The following EIF2A variants were observed in gnomAD, a reference collection of about 807,000 sequenced individuals.
EIF2A encodes the protein eukaryotic translation initiation factor 2A.
A neutral mutation model predicts 75.2 loss-of-function variants in EIF2A; 62 were observed. The observed-to-expected ratio is 0.82, with a 90% CI of 0.67 to 1.02. The LOEUF (loss-of-function observed/expected upper bound fraction) is 1.02. Ranked by LOEUF, EIF2A falls within the 50% of genes least tolerant of loss-of-function variation. The probability of loss-of-function intolerance (pLI) is 0.00; values close to 1 mark genes in which losing one functional copy is unlikely to be tolerated. For synonymous variants in EIF2A, 207 were observed against 239.0 expected (o/e 0.87, Z 1.23); for missense variants, 611 against 677.7 (o/e 0.90, Z 1.09).
intron 3 of EIF2A, among the ~76,000 whole-genome samples, chr3:150,562,143 C>T (rs987668597): frequency 6.6e-6 from 1 of 151,662 alleles, no homozygotes; most frequent in Non-Finnish European, 1.5e-5. Context: ...ACATTTTGGG[C>T]TGGGCATGGT....
chr3:150,576,424 T>C (rs996002651), intron 11 of EIF2A, among the ~76,000 whole-genome samples: 4 of 151,986 alleles, frequency 2.6e-5, no homozygotes, highest in Non-Finnish European at 5.9e-5. Context: ...AGCAAGACCA[T>C]GACTCGAAAA....
Position 150,575,333 on chromosome 3 carries a change from G to A in EIF2A, c.1384-316G>A, listed in dbSNP as rs1487482365. Among the ~76,000 whole-genome samples the A allele has an allele frequency of 3.9e-5, 6 of 152,324 alleles. No homozygotes were observed. In the South Asian group the frequency reaches 8.3e-4, roughly 21 times the overall value. Reference sequence around the variant, plus strand: ...TAGAACCAAAAAGGCCTCAGAAGAAGCTGTTGTTGGTATCTAGTTTTCATA... The same window carrying A: ...TAGAACCAAAAAGGCCTCAGAAGAAACTGTTGTTGGTATCTAGTTTTCATA... On this transcript the variant is annotated intron_variant, in intron 10 of 13. Transcript: ENST00000460851.
chr3:150,571,374 A>G (rs1724506959), intron 9 of EIF2A, among the ~76,000 whole-genome samples: 1 of 152,166 alleles, frequency 6.6e-6, no homozygotes, highest in Non-Finnish European at 1.5e-5. Context: ...TCCTGACCTC[A>G]GGTGATCTGC....
chr3:150,578,715 C>T (rs1245200051), intron 11 of EIF2A, among the ~76,000 whole-genome samples: 1 of 152,096 alleles, frequency 6.6e-6, no homozygotes, highest in Non-Finnish European at 1.5e-5. Flanking sequence ...GCAAGATAAA[C>T]TATTCAGTAT....
At chr3:150,575,221 A>G (rs1295865431) in intron 10 of EIF2A, among the ~76,000 whole-genome samples, 1 of 151,960 alleles carries the variant, frequency 6.6e-6, no homozygotes. Flanking sequence ...TAATCTTCTA[A>G]TTTCTGATTT....
chr3:150,565,788 C>CTTTTTTTTTTTTTTTTT (rs35195705), intron 6 of EIF2A: 1 of 69,476 alleles, frequency 1.4e-5, no homozygotes, highest in Non-Finnish European at 2.6e-5. Context: ...TAGTTCCATT[C>CTTTTTTTTTTTTTTTTT]TTTTTTTTTT....
intron 10 of EIF2A, among the ~76,000 whole-genome samples, chr3:150,574,466 T>C (rs376967817): frequency 1.3e-5 from 2 of 152,320 alleles, no homozygotes; most frequent in South Asian, 2.1e-4. Context: ...GAGCCCACTA[T>C]TGAAAGAATT....
intron 6 of EIF2A, among the ~76,000 whole-genome samples, chr3:150,565,486 C>T (rs1019139685): frequency 2.6e-5 from 4 of 152,100 alleles, no homozygotes; most frequent in East Asian, 1.9e-4. Context: ...ATAGAAAAGG[C>T]GGGATAAATA....
At chr3:150,566,039 C>T (rs1724165738) in intron 6 of EIF2A, 2 of 152,172 alleles carry the variant, frequency 1.3e-5, no homozygotes, top group African/African-American at 4.8e-5. Flanking sequence ...AGGTGATCCA[C>T]CTGCCTCACC....
rs1725193334 is a variant in EIF2A at position 150,581,739 on chromosome 3, T to TA, written c.1622dup (p.Lys542GlufsTer78). ...GAGATAGACAAAAAAATCAAGAACC[T>TA]AAAGAAGGTGAGAGACTTAAAAACA... is the stretch of plus-strand genomic sequence containing the variant. On this transcript the variant is annotated frameshift_variant, in exon 12 of 14. Coordinates refer to ENST00000460851, the MANE Select transcript of EIF2A (RefSeq NM_032025.5). LOFTEE classifies it high-confidence loss of function. 2 of 1,558,332 alleles carry TA rather than the reference T, an allele frequency of 1.3e-6. No individual in the cohort carries two copies. Among genetic ancestry groups the TA allele is most frequent in the Non-Finnish European group, 1.7e-6 (2 of 1,150,478 alleles).
chr3:150,561,636 C>T (rs558252452), intron 3 of EIF2A, among the ~76,000 whole-genome samples: 1 of 152,132 alleles, frequency 6.6e-6, no homozygotes, highest in African/African-American at 2.4e-5. Flanking sequence ...TCTGCCTTTC[C>T]TTTGGTTTGA....
intron 1 of EIF2A, among the ~76,000 whole-genome samples, chr3:150,549,765 C>T (rs370305355): frequency 1.3e-5 from 2 of 152,094 alleles, no homozygotes; most frequent in East Asian, 1.9e-4. Flanking sequence ...AGAAAATGAG[C>T]GCCTCCTAAA....
rs149488582 is a variant in EIF2A, at chr3:150,572,210, C to T, written c.1064C>T (p.Pro355Leu). Residue 355 changes from proline (P) to leucine (L), a missense_variant, in exon 10 of 14, where the codon CCG (proline) becomes CTG (leucine). Physicochemically the swap from Pro to Leu is moderately conservative, Grantham distance 98. Transcript: ENST00000460851. ...AAAAACTACAAACTTATTTCTAAAC[C>T]GGTGGCTTCTGATTCTACATATTTT... ...DVKNYKLISK[P>L]VASDSTYFAW... is the part of the protein sequence containing the mutation. The T allele has an allele frequency of 2.2e-5, 36 of 1,613,850 alleles. No homozygotes were observed. Among genetic ancestry groups the T allele is most frequent in the African/African-American group, 1.9e-4 (14 of 75,014 alleles).
chr3:150,555,238 A>ATTAT (rs138004302), intron 2 of EIF2A, among the ~76,000 whole-genome samples: 3,118 of 149,808 alleles, frequency 0.021, 45 homozygotes, highest in Non-Finnish European at 0.035. Context: ...CTGTATGCAC[A>ATTAT]TTATTTATTT....
intron 1 of EIF2A, 32 bp downstream of exon 1, chr3:150,546,862 C>G (rs200118294): frequency 3.4e-5 from 55 of 1,610,146 alleles, no homozygotes; most frequent in Non-Finnish European, 4.7e-5. Context: ...GACTCTCTTT[C>G]TTCAGACTAG....
intron 10 of EIF2A, among the ~76,000 whole-genome samples, chr3:150,574,570 G>A (rs1364512472): frequency 1.3e-5 from 2 of 152,180 alleles, no homozygotes; most frequent in African/African-American, 4.8e-5. Context: ...AAAGAGCCTT[G>A]CACTCCAAAT....
chr3:150,550,141 T>TG (rs1723244608), intron 1 of EIF2A, among the ~76,000 whole-genome samples: 1 of 151,636 alleles, frequency 6.6e-6, no homozygotes, highest in Non-Finnish European at 1.5e-5. Flanking sequence ...TTTGTTGTCT[T>TG]AAAAGAACTG....
In EIF2A at chr3:150,562,530, T is replaced by C. The variant is rs141547084; in HGVS notation, c.174-12T>C. Reference sequence around the variant, plus strand: ...AGTATTTCATTGCTGAAATAATTTCTTTTGAAACCAGAGTAAATATTATCA... The same window carrying C: ...AGTATTTCATTGCTGAAATAATTTCCTTTGAAACCAGAGTAAATATTATCA... On this transcript the variant is annotated splice_polypyrimidine_tract_variant and intron_variant, in intron 3 of 13. Transcript: ENST00000460851. The C allele has an allele frequency of 6.0e-3, 9,568 of 1,596,072 alleles. 33 individuals carry two copies. Among genetic ancestry groups the C allele is most frequent in the Non-Finnish European group, 7.4e-3 (8,688 of 1,166,956 alleles).
Position 150,572,142 on chromosome 3 carries a change from T to A in EIF2A, c.996T>A (p.Ala332=). Residue 332 remains alanine (A), a synonymous_variant, in exon 10 of 14, where the codon GCT becomes GCA. Transcript: ENST00000460851. ...CTCATGGACATATATTAGTATTAGC[T>A]GGATTTGGAAATCTGAGGGGACAAA... ...YSPHGHILVL[A]GFGNLRGQME... 1 of 1,614,010 alleles carries A rather than the reference T, an allele frequency of 6.2e-7. No homozygotes were observed. Among genetic ancestry groups the A allele is most frequent in the Non-Finnish European group, 8.5e-7 (1 of 1,179,898 alleles).
Sources: allele counts gnomAD v4.1 joint callset (sites outside exome capture counted in the v4.1 genomes callset), GRCh38; gene constraint gnomAD v4.1.1; transcripts MANE v1.5; gene names NCBI Gene and HGNC (gene_info 2026-07-23, HGNC 2026-07-21).